NEBL: variants seen among roughly 807,000 people sequenced by gnomAD.
NEBL encodes the protein nebulette.
A neutral mutation model predicts 140.2 loss-of-function variants in NEBL; 122 were observed. That is an observed-to-expected ratio of 0.87 (90% CI 0.75 to 1.01). The LOEUF is 1.01. NEBL is among the 50% of genes least tolerant of loss of function. The probability of loss-of-function intolerance (pLI) is 0.00; values close to 1 mark genes in which losing one functional copy is unlikely to be tolerated. For missense variants in NEBL, 1,365 were observed against 1,231.3 expected (o/e 1.11, Z -1.62); for synonymous variants, 436 against 398.9 (o/e 1.09, Z -1.11).
At chr10:20,939,093 C>A (rs926726846) in intron 4 of NEBL, among the ~76,000 whole-genome samples, 1 of 152,076 alleles carries the variant, frequency 6.6e-6, no homozygotes, top group African/African-American at 2.4e-5. Flanking sequence ...GAGAACACCA[C>A]AAAGATACTC....
intron 26 of NEBL, among the ~76,000 whole-genome samples, chr10:20,789,890 T>C (rs1241549689): frequency 6.6e-6 from 1 of 150,680 alleles, no homozygotes; most frequent in East Asian, 2.0e-4. Flanking sequence ...CACACACATA[T>C]ATATATGTAT....
intron 4 of NEBL, among the ~76,000 whole-genome samples, chr10:20,936,496 T>C (rs1373188422): frequency 6.6e-6 from 1 of 152,220 alleles, no homozygotes; most frequent in Non-Finnish European, 1.5e-5. Flanking sequence ...GGCCCATGTC[T>C]TTTCTGTCCT....
At chr10:21,160,147 CAT>C (rs1279708121) in intron 2 of NEBL, among the ~76,000 whole-genome samples, 1 of 152,070 alleles carries the variant, frequency 6.6e-6, no homozygotes, top group East Asian at 1.9e-4. Flanking sequence ...TCAATCAACA[CAT>C]GTTTATTCAG....
chr10:21,190,863 T>A (rs372858751), intron 3 of NEBL, among the ~76,000 whole-genome samples: 2 of 152,238 alleles, frequency 1.3e-5, no homozygotes, highest in African/African-American at 4.8e-5. Context: ...ATTAACCAAC[T>A]GTATTTTATT....
chr10:21,240,419 G>T (rs937657365), intron 3 of NEBL, among the ~76,000 whole-genome samples: 2 of 152,204 alleles, frequency 1.3e-5, no homozygotes, highest in Non-Finnish European at 2.9e-5. Flanking sequence ...AAGGCAGGAG[G>T]ATCACCTGAG....
At chr10:20,822,740 A>G (rs1443829221) in intron 19 of NEBL, among the ~76,000 whole-genome samples, 1 of 152,078 alleles carries the variant, frequency 6.6e-6, no homozygotes, top group East Asian at 1.9e-4. Context: ...TAAATGACAA[A>G]ACAAAAAAGA....
At chr10:20,865,861 T>C (rs2131201910) in intron 7 of NEBL, among the ~76,000 whole-genome samples, 1 of 152,264 alleles carries the variant, frequency 6.6e-6, no homozygotes, top group East Asian at 1.9e-4. Flanking sequence ...AGGGAGCAGT[T>C]GTGTCCACTT....
In NEBL at chr10:21,213,695, G is replaced by GAA. The variant is rs1368456424; in HGVS notation, n.348+34224_348+34225dup. ...GGGCTTGAGGAGTAGAGTAAATAGA[G>GAA]AAAAACCTTAGAAATGGGTTCTATA... On this transcript the variant is annotated intron_variant and non_coding_transcript_variant, in intron 3 of 8. Transcript: ENST00000675702. 3.3e-5 allele frequency among the ~76,000 whole-genome samples: 5 copies of GAA among 152,268 alleles called. No individual in the cohort carries two copies. In the East Asian group the frequency reaches 9.7e-4, roughly 29 times the overall value.
chr10:20,914,006 A>G (rs1284480217), intron 4 of NEBL, among the ~76,000 whole-genome samples: 1 of 152,170 alleles, frequency 6.6e-6, no homozygotes, highest in Non-Finnish European at 1.5e-5. Flanking sequence ...CAATAAATTC[A>G]CCAGTGCAAA....
intron 2 of NEBL, among the ~76,000 whole-genome samples, chr10:21,055,567 C>T (rs896774156): frequency 1.3e-5 from 2 of 152,146 alleles, no homozygotes; most frequent in African/African-American, 2.4e-5. Flanking sequence ...CTATCACCCA[C>T]CAGCTATGCC....
chr10:20,937,245 C>A (rs547015883), intron 4 of NEBL, among the ~76,000 whole-genome samples: 8 of 152,338 alleles, frequency 5.3e-5, no homozygotes, highest in East Asian at 3.9e-4. Context: ...CCCATCTCCA[C>A]TGAGAAAGCT....
chr10:21,088,810 G>A (rs1296741569), intron 2 of NEBL, among the ~76,000 whole-genome samples: 1 of 152,234 alleles, frequency 6.6e-6, no homozygotes, highest in Non-Finnish European at 1.5e-5. Context: ...AAGATAAGAA[G>A]TATCTGCCAA....
rs769520025 is a variant in NEBL, at chr10:20,850,443, C to T, written c.1068G>A (p.Glu356=). Residue 356 remains glutamate, a synonymous_variant, in exon 11 of 28, where the codon GAG becomes GAA. Transcript: ENST00000377122. ...NKGKPMLEFV[E]TPSYQASKEA... ...CCTTTGAAGCTTGATATGATGGTGT[C>T]TCAACAAATTCAAGCATTGGCTTTC... 1.9e-6 allele frequency: 3 copies of T among 1,612,466 alleles called. No homozygotes were observed. Among genetic ancestry groups the T allele is most frequent in the Non-Finnish European group, 2.5e-6 (3 of 1,178,552 alleles).
chr10:21,275,038 G>A (rs891232851), intron 1 of NEBL, among the ~76,000 whole-genome samples: 1 of 152,030 alleles, frequency 6.6e-6, no homozygotes, highest in African/African-American at 2.4e-5. Flanking sequence ...TCACGCCTGT[G>A]TTGTTCAAGG....
chr10:21,235,004 A>C (rs1007696572), intron 3 of NEBL, among the ~76,000 whole-genome samples: 6 of 152,172 alleles, frequency 3.9e-5, no homozygotes, highest in Admixed American at 2.6e-4. Flanking sequence ...CAATCACAAA[A>C]CAAAAAGTAG....
At chr10:21,289,319 T>G (rs1429193992) in intron 1 of NEBL, among the ~76,000 whole-genome samples, 3 of 152,140 alleles carry the variant, frequency 2.0e-5, no homozygotes, top group Non-Finnish European at 4.4e-5. Context: ...ACGGAGATCA[T>G]GAAGGACTGT....
chr10:20,854,973 C>A (rs1189739587), intron 9 of NEBL, among the ~76,000 whole-genome samples: 1 of 151,800 alleles, frequency 6.6e-6, no homozygotes, highest in East Asian at 1.9e-4. Flanking sequence ...ACCTGTAATC[C>A]CAGCACTCTG....
At chr10:21,180,904 G>A (rs1313939169) in intron 3 of NEBL, among the ~76,000 whole-genome samples, 9 of 152,108 alleles carry the variant, frequency 5.9e-5, no homozygotes, top group Non-Finnish European at 1.0e-4. Flanking sequence ...TAGAAATGTG[G>A]TAGATTAGAA....
At chr10:20,905,022 A>G (rs114752859) in intron 4 of NEBL, among the ~76,000 whole-genome samples, 1,922 of 152,346 alleles carry the variant, frequency 0.013, 37 homozygotes, top group African/African-American at 0.044. Context: ...TGTTTTTGTC[A>G]TGTTTCTAGG....
Sources: gnomAD v4.1 joint callset for allele counts (sites outside exome capture counted in the v4.1 genomes callset) on GRCh38, gnomAD v4.1.1 for gene constraint, MANE v1.5 for transcripts, NCBI Gene and HGNC (gene_info 2026-07-23, HGNC 2026-07-21) for gene names.